YPEL1: variants seen among roughly 807,000 people sequenced by gnomAD.
YPEL1 encodes yippee like 1.
A neutral mutation model predicts 17.3 loss-of-function variants in YPEL1; 7 were observed. The observed-to-expected ratio is 0.40, with a 90% CI of 0.23 to 0.76. YPEL1 has a LOEUF of 0.76. Ranked by LOEUF, YPEL1 falls within the 30% of genes least tolerant of loss-of-function variation. The probability of loss-of-function intolerance (pLI) is 0.35; values close to 1 mark genes in which losing one functional copy is unlikely to be tolerated. For missense variants in YPEL1, 91 were observed against 155.5 expected, an observed-to-expected ratio of 0.59 and a Z score of 2.21; for synonymous variants, 59 against 59.6, an observed-to-expected ratio of 0.99 and a Z score of 0.05.
chr22:21,707,774 T>C (rs755422928), intron 2 of YPEL1, among the ~76,000 whole-genome samples: 5 of 152,218 alleles, frequency 3.3e-5, no homozygotes, highest in Non-Finnish European at 2.9e-5. Context: ...AGCTGTCTTA[T>C]CAGAGTTGGC....
chr22:21,728,281 C>T (rs1239415924), intron 1 of YPEL1, among the ~76,000 whole-genome samples: 1 of 152,126 alleles, frequency 6.6e-6, no homozygotes, highest in Non-Finnish European at 1.5e-5. Flanking sequence ...CTGCTTTTAG[C>T]TTTGCCTCTC....
rs1050032968 is a variant in YPEL1 at position 21,698,293 on chromosome 22, C to G, written c.*2836G>C. On this transcript the variant is annotated 3_prime_UTR_variant, in exon 5 of 5. Transcript: ENST00000339468. ...AAAAAAAAATACAAAAGTCATAAGA[C>G]TACTAGTAAAAAATGTTCAATCAAT... The G allele has an allele frequency of 6.8e-6, 1 of 148,030 alleles. No homozygotes were observed. Among genetic ancestry groups the G allele is most frequent in the African/African-American group, 2.5e-5 (1 of 40,498 alleles). The allele number at this position is 148,030 out of a possible 1,614,324, so 9.2% of individuals were successfully genotyped here.
chr22:21,708,551 G>A (rs1026343768), intron 2 of YPEL1, among the ~76,000 whole-genome samples: 16 of 151,390 alleles, frequency 1.1e-4, no homozygotes, highest in African/African-American at 3.9e-4. Flanking sequence ...TGTTGGCCAT[G>A]CTGGTCTTGA....
At chr22:21,701,332 TC>T (rs2068064197) in intron 4 of YPEL1, 114 bp from the exon 5 acceptor site, 3 of 737,378 alleles carry the variant, frequency 4.1e-6, no homozygotes, top group East Asian at 2.7e-5. Flanking sequence ...ACCCAGATGT[TC>T]CCTGAGCGGT....
chr22:21,709,780 G>GC (rs2068147682), intron 2 of YPEL1, among the ~76,000 whole-genome samples: 2 of 150,646 alleles, frequency 1.3e-5, no homozygotes, highest in African/African-American at 4.9e-5. Flanking sequence ...AGGATGGGGG[G>GC]AGGTCATGAC....
At position 21,703,616 on chromosome 22, in the gene YPEL1, TCCCCCAGCCCTGC is replaced by T; in HGVS notation, c.162-151_162-139del. On this transcript the variant is annotated intron_variant, in intron 3 of 4. Coordinates refer to ENST00000339468, the MANE Select transcript of YPEL1 (RefSeq NM_013313.5). This position sits in a 1 kb window ranked among gnomAD's most constrained non-coding sequence, Gnocchi z 6.1. ...CTCCCAGAGAGCAGTGCCGTGCCTCTCCCCCAGCCCTGCCCGCCACCACCATCAATGGGAAAGA... is the reference window on the plus strand; with the variant it reads ...CTCCCAGAGAGCAGTGCCGTGCCTCTCCGCCACCACCATCAATGGGAAAGA... The T allele has an allele frequency of 1.2e-6, 1 of 836,742 alleles. No individual in the cohort carries two copies. Among genetic ancestry groups the T allele is most frequent in the Middle Eastern group, 3.4e-4 (1 of 2,902 alleles). 51.8% of individuals were successfully genotyped at this position (836,742 alleles called of 1,614,324 possible). A position where few individuals can be genotyped will look rare whatever the true frequency, so the allele number is the denominator to read the frequency against.
At chr22:21,730,099 C>T (rs1025630043) in intron 1 of YPEL1, among the ~76,000 whole-genome samples, 1 of 151,844 alleles carries the variant, frequency 6.6e-6, no homozygotes, top group Admixed American at 6.6e-5. Context: ...TTGTGGTGAG[C>T]CAAGATTGTG....
intron 1 of YPEL1, among the ~76,000 whole-genome samples, chr22:21,719,843 T>C (rs1352391639): frequency 1.3e-5 from 2 of 151,920 alleles, no homozygotes; most frequent in Non-Finnish European, 2.9e-5. Flanking sequence ...CTGGCCAAGA[T>C]GGTGAAACCC....
chr22:21,705,886 T>C (rs1282358565), intron 2 of YPEL1, among the ~76,000 whole-genome samples: 5 of 151,844 alleles, frequency 3.3e-5, no homozygotes, highest in Admixed American at 2.6e-4. Flanking sequence ...TCCCAGCACT[T>C]TGGGGGGCCG....
At chr22:21,729,726 C>A (rs1239955221) in intron 1 of YPEL1, among the ~76,000 whole-genome samples, 1 of 152,246 alleles carries the variant, frequency 6.6e-6, no homozygotes, top group Non-Finnish European at 1.5e-5. Context: ...GGGGGTTCAT[C>A]TGGGGAGTTC....
At chr22:21,723,409 C>T (rs185968650) in intron 1 of YPEL1, among the ~76,000 whole-genome samples, 54 of 152,244 alleles carry the variant, frequency 3.5e-4, no homozygotes, top group African/African-American at 1.3e-3. Context: ...ACTCTGTCAT[C>T]CAGGCTGGAG....
At chr22:21,735,584 C>T (rs1357807228) in intron 1 of YPEL1, 31 bp downstream of exon 1, 2 of 151,880 alleles carry the variant, frequency 1.3e-5, no homozygotes, top group Non-Finnish European at 2.9e-5. Context: ...TAACCGCCCG[C>T]GCAGCTGCAG....
chr22:21,723,496 T>A (rs1465334851), intron 1 of YPEL1, among the ~76,000 whole-genome samples: 1 of 152,068 alleles, frequency 6.6e-6, no homozygotes, highest in African/African-American at 2.4e-5. Flanking sequence ...GCCTCCAGAG[T>A]AGCTGGGATT....
At chr22:21,728,728 G>A (rs888332419) in intron 1 of YPEL1, among the ~76,000 whole-genome samples, 8 of 152,142 alleles carry the variant, frequency 5.3e-5, no homozygotes, top group African/African-American at 1.2e-4. Context: ...TTAAAAGTTA[G>A]GCCAGGCGTG....
chr22:21,716,632 C>G (rs566116020), intron 1 of YPEL1, among the ~76,000 whole-genome samples: 1 of 152,272 alleles, frequency 6.6e-6, no homozygotes, highest in East Asian at 1.9e-4. Context: ...AGGCTGACAG[C>G]GCCCTGAGGT....
intron 1 of YPEL1, among the ~76,000 whole-genome samples, chr22:21,714,193 T>C (rs2068199069): frequency 6.6e-6 from 1 of 152,138 alleles, no homozygotes; most frequent in African/African-American, 2.4e-5. Flanking sequence ...TGAAGATGTG[T>C]GTGGGCAGAA....
chr22:21,710,619 G>A lies in YPEL1; in HGVS notation c.117+9C>T. 2 of 1,612,352 alleles carry A rather than the reference G, an allele frequency of 1.2e-6. No individual in the cohort carries two copies. Among genetic ancestry groups the A allele is most frequent in the Non-Finnish European group, 1.7e-6 (2 of 1,178,326 alleles). ...TTGTGCCATCAATTTTTTGGCATAA[G>A]CCACTTGCCTTGGAGATGAGCTCGT... On this transcript the variant is annotated intron_variant, in intron 2 of 4. Transcript: ENST00000339468.
At chr22:21,707,925 G>A (rs1487449191) in intron 2 of YPEL1, among the ~76,000 whole-genome samples, 2 of 152,184 alleles carry the variant, frequency 1.3e-5, no homozygotes, top group Admixed American at 1.3e-4. Flanking sequence ...CAGGTGGTGT[G>A]GCAGATTTGG....
Position 21,703,337 on chromosome 22 carries a change from C to G in YPEL1, c.270+33G>C. The stretch of plus-strand genomic sequence containing the variant: ...CAGTGGCAACTTAGTGCCACATCCC[C>G]TTGTGGCACGAGCATCCCCTTGTGG... On this transcript the variant is annotated intron_variant, in intron 4 of 4. Coordinates refer to ENST00000339468, the MANE Select transcript of YPEL1 (RefSeq NM_013313.5). The surrounding 1 kb of genome is among the most constrained non-coding windows in gnomAD (Gnocchi z 6.1). 6.3e-7 allele frequency: 1 copy of G among 1,589,554 alleles called. No homozygotes were observed. Among genetic ancestry groups the G allele is most frequent in the Non-Finnish European group, 8.6e-7 (1 of 1,159,534 alleles).
Sources: allele counts gnomAD v4.1 joint callset (sites outside exome capture counted in the v4.1 genomes callset), GRCh38; gene constraint gnomAD v4.1.1; non-coding constraint Gnocchi (gnomAD v3.1); transcripts MANE v1.5; gene names NCBI Gene and HGNC (gene_info 2026-07-23, HGNC 2026-07-21).